KIAA1328: variants seen among roughly 807,000 people sequenced by gnomAD.
The protein encoded by KIAA1328 is KIAA1328, also known as protein hinderin.
Under a neutral mutation model 68.1 loss-of-function variants are expected in KIAA1328, and 52 were observed. The ratio of observed to expected loss-of-function variants is 0.76; its 90% confidence interval spans 0.61 to 0.96. KIAA1328 has a LOEUF of 0.96. Ranked by LOEUF, KIAA1328 falls within the 40% of genes least tolerant of loss-of-function variation. The probability of loss-of-function intolerance (pLI) is 0.00; values close to 1 mark genes in which losing one functional copy is unlikely to be tolerated. For synonymous variants in KIAA1328, 232 were observed against 239.4 expected (o/e 0.97, Z 0.28); for missense variants, 641 against 677.6 (o/e 0.95, Z 0.60).
chr18:36,953,975 T>C (rs1041872318), intron 5 of KIAA1328, among the ~76,000 whole-genome samples: 2 of 147,404 alleles, frequency 1.4e-5, no homozygotes, highest in African/African-American at 4.9e-5. Flanking sequence ...CTCCCATATA[T>C]TGAATTTGTC....
intron 3 of KIAA1328, among the ~76,000 whole-genome samples, chr18:36,837,760 A>G (rs1043937059): frequency 2.0e-5 from 3 of 152,058 alleles, no homozygotes; most frequent in African/African-American, 7.2e-5. Flanking sequence ...TAATTTTTGT[A>G]TATGGGGTGA....
chr18:36,990,438 G>A (rs1452847775), intron 6 of KIAA1328, among the ~76,000 whole-genome samples: 1 of 152,002 alleles, frequency 6.6e-6, no homozygotes. Context: ...ACTTTGGGAG[G>A]CTGAGGCAGG....
At chr18:36,913,355 CA>C (rs66519428) in intron 5 of KIAA1328, among the ~76,000 whole-genome samples, 66 of 111,054 alleles carry the variant, frequency 5.9e-4, no homozygotes, top group African/African-American at 1.1e-3. Flanking sequence ...CTTGTCTCTA[CA>C]AAAAAAAAAA....
At chr18:37,004,448 A>T (rs322628) in intron 6 of KIAA1328, among the ~76,000 whole-genome samples, 111,232 of 151,882 alleles carry the variant, frequency 0.73, 43,878 homozygotes, top group South Asian at 0.89. Flanking sequence ...TGGGCTAAGG[A>T]CATGAATAGA....
intron 5 of KIAA1328, among the ~76,000 whole-genome samples, chr18:36,925,598 G>C (rs1195550107): frequency 1.3e-4 from 20 of 150,278 alleles, no homozygotes; most frequent in Non-Finnish European, 8.9e-5. Flanking sequence ...GTGCAGTGGT[G>C]CCATCAATGG....
intron 9 of KIAA1328, among the ~76,000 whole-genome samples, chr18:37,206,906 A>C (rs747070164): frequency 1.3e-5 from 2 of 152,182 alleles, no homozygotes; most frequent in Non-Finnish European, 2.9e-5. Flanking sequence ...AAAATAATAA[A>C]GTACAGATTC....
At position 37,178,920 on chromosome 18, in the gene KIAA1328, C is replaced by T. The variant is rs898898234; in HGVS notation, c.1523+5839C>T. Among the ~76,000 whole-genome samples the T allele has an allele frequency of 3.3e-5, 5 of 151,856 alleles. No homozygotes were observed. In the East Asian group the frequency reaches 7.7e-4, roughly 23 times the overall value. ...CAGGTCTTTAACCTATTTTTTTAGT[C>T]ACTTTATTTTCTTGCTATTGAGTTG... On this transcript the variant is annotated intron_variant, in intron 9 of 9. Coordinates refer to ENST00000280020, the MANE Select transcript of KIAA1328 (RefSeq NM_020776.3).
downstream of KIAA1328, chr18:37,230,660 C>G (rs889305561): frequency 2.0e-5 from 3 of 152,130 alleles, no homozygotes; most frequent in Non-Finnish European, 4.4e-5. Context: ...GAAAATTTAA[C>G]AATTCTGTGG....
rs573681366 is a variant in KIAA1328 at position 37,031,091 on chromosome 18, A to G, written c.577-35799A>G. On this transcript the variant is annotated intron_variant, in intron 6 of 9. Coordinates refer to ENST00000280020, the MANE Select transcript of KIAA1328 (RefSeq NM_020776.3). Reference sequence around the variant, plus strand: ...TTAATCCAGTCTATCATTGATGGACATTTTGGTTGGTTCCAAGTCTTTGCC... The same window carrying G: ...TTAATCCAGTCTATCATTGATGGACGTTTTGGTTGGTTCCAAGTCTTTGCC... Among the ~76,000 whole-genome samples, 4 of 152,294 alleles carry G rather than the reference A, an allele frequency of 2.6e-5. No homozygotes were observed. The East Asian group carries it at 7.7e-4, about 29-fold the overall frequency.
chr18:37,049,856 AG>A (rs1162236093), intron 6 of KIAA1328, among the ~76,000 whole-genome samples: 1 of 152,086 alleles, frequency 6.6e-6, no homozygotes, highest in Non-Finnish European at 1.5e-5. Context: ...TTTTTCAGAG[AG>A]TTTATTTTCA....
intron 5 of KIAA1328, among the ~76,000 whole-genome samples, chr18:36,910,015 G>C (rs569451180): frequency 1.3e-4 from 20 of 152,242 alleles, no homozygotes; most frequent in African/African-American, 4.8e-4. Flanking sequence ...GTTCTTTGTA[G>C]ATTCTGGATA....
At chr18:37,091,665 T>G (rs2057271531) in intron 7 of KIAA1328, among the ~76,000 whole-genome samples, 1 of 152,114 alleles carries the variant, frequency 6.6e-6, no homozygotes, top group Non-Finnish European at 1.5e-5. Context: ...CTGCCTTAGG[T>G]CCCAACAACC....
At position 36,982,096 on chromosome 18, in the gene KIAA1328, ATATATAATATAAT is replaced by A. The variant is rs1259554095; in HGVS notation, c.576+22673_576+22685del. 9.7e-5 allele frequency among the ~76,000 whole-genome samples: 14 copies of A among 144,538 alleles called. No individual in the cohort carries two copies. The Admixed American group carries it at 1.0e-3, about 10-fold the overall frequency. The allele number at this position is 144,538 out of a possible 152,430, so 94.8% of individuals were successfully genotyped here. On this transcript the variant is annotated intron_variant, in intron 6 of 9. Coordinates refer to ENST00000280020, the MANE Select transcript of KIAA1328 (RefSeq NM_020776.3). ...TTAATATATATATTTATATTATATTATATATAATATAATTATATAATATATAAATATATTATAA... is the reference window on the plus strand; with the variant it reads ...TTAATATATATATTTATATTATATTATATATAATATATAAATATATTATAA...
At position 36,897,370 on chromosome 18, in the gene KIAA1328, C is replaced by T. The variant is rs114467317; in HGVS notation, c.448+11698C>T. On this transcript the variant is annotated intron_variant, in intron 5 of 9. Coordinates refer to ENST00000280020, the MANE Select transcript of KIAA1328 (RefSeq NM_020776.3). The stretch of plus-strand genomic sequence containing the variant: ...AGATAATGCTGGGTTTCAATTAAAC[C>T]GGTCAGTTTTTCAAATAGTTGTTAT... Among the ~76,000 whole-genome samples the T allele has an allele frequency of 1.2e-3, 177 of 152,042 alleles. 1 individual carries two copies. Among genetic ancestry groups the T allele is most frequent in the African/African-American group, 3.9e-3 (163 of 41,504 alleles).
intron 5 of KIAA1328, among the ~76,000 whole-genome samples, chr18:36,929,519 C>T (rs1416123054): frequency 2.6e-5 from 4 of 151,942 alleles, no homozygotes; most frequent in South Asian, 4.1e-4. Flanking sequence ...GGAGTACTGA[C>T]GGGTTTTACT....
intron 6 of KIAA1328, among the ~76,000 whole-genome samples, chr18:36,974,015 TATCTA>T (rs2052360584): frequency 6.6e-6 from 1 of 152,172 alleles, no homozygotes; most frequent in South Asian, 2.1e-4. Flanking sequence ...GTTTATGTGT[TATCTA>T]AATTAGATAT....
At chr18:36,924,568 A>G (rs2050044099) in intron 5 of KIAA1328, among the ~76,000 whole-genome samples, 1 of 152,172 alleles carries the variant, frequency 6.6e-6, no homozygotes, top group African/African-American at 2.4e-5. Flanking sequence ...ATCTTTAAAG[A>G]TAGGCCCAAT....
intron 5 of KIAA1328, among the ~76,000 whole-genome samples, chr18:36,944,185 G>A (rs1159834468): frequency 6.6e-6 from 1 of 152,184 alleles, no homozygotes; most frequent in Non-Finnish European, 1.5e-5. Flanking sequence ...AAATGGGACT[G>A]CTGTAGAACC....
intron 5 of KIAA1328, among the ~76,000 whole-genome samples, chr18:36,940,285 C>T (rs750808832): frequency 6.6e-6 from 1 of 152,160 alleles, no homozygotes; most frequent in Non-Finnish European, 1.5e-5. Flanking sequence ...AATGCAGAAT[C>T]GAATCCACAT....
Sources: gnomAD v4.1 joint callset for allele counts (sites outside exome capture counted in the v4.1 genomes callset) on GRCh38, gnomAD v4.1.1 for gene constraint, MANE v1.5 for transcripts, NCBI Gene and HGNC (gene_info 2026-07-23, HGNC 2026-07-21) for gene names.